Variants in SCN8A observed in about 807,000 individuals in gnomAD.
SCN8A encodes sodium channel protein type 8 subunit alpha.
In SCN8A, 30 loss-of-function variants were observed where a neutral mutation model predicts 184.1. That is an observed-to-expected ratio of 0.16 (90% confidence interval 0.12 to 0.22). The LOEUF (loss-of-function observed/expected upper bound fraction) is 0.22, where lower values mean the gene tolerates loss of function less well. SCN8A is among the 10% of genes least tolerant of loss of function. The probability of loss-of-function intolerance (pLI) is 1.00; values close to 1 mark genes in which losing one functional copy is unlikely to be tolerated. For synonymous variants in SCN8A, 852 were observed against 907.0 expected (o/e 0.94, Z 1.09); for missense variants, 1,057 against 2,498.9 (o/e 0.42, Z 12.30).
intron 2 of SCN8A, among the ~76,000 whole-genome samples, chr12:51,673,088 A>G (rs967841965): frequency 2.6e-5 from 4 of 152,188 alleles, no homozygotes; most frequent in African/African-American, 9.7e-5. Context: ...TGAAGTTAGT[A>G]TAGTCAGCCC....
chr12:51,592,245 C>G (rs1223050744), intron 1 of SCN8A, among the ~76,000 whole-genome samples: 13 of 151,910 alleles, frequency 8.6e-5, no homozygotes. Flanking sequence ...CGCAAAGCCT[C>G]TGCAGTTTCT....
At chr12:51,604,455 G>A (rs1368182078) in intron 1 of SCN8A, among the ~76,000 whole-genome samples, 3 of 151,758 alleles carry the variant, frequency 2.0e-5, no homozygotes. Context: ...AATACCACAC[G>A]GTCTCTTTTT....
At chr12:51,690,370 T>C (rs926673018) in intron 6 of SCN8A, among the ~76,000 whole-genome samples, 1 of 152,170 alleles carries the variant, frequency 6.6e-6, no homozygotes, top group African/African-American at 2.4e-5. Context: ...TTATTTTTAT[T>C]TTCTAGAGAC....
At position 51,749,823 on chromosome 12, in the gene SCN8A, T is replaced by G. The variant is rs920982808; in HGVS notation, c.2132-1532T>G. 2.6e-5 allele frequency among the ~76,000 whole-genome samples: 4 copies of G among 152,152 alleles called. No individual in the cohort carries two copies. In the East Asian group the frequency reaches 7.7e-4, roughly 29 times the overall value. ...GGTTTTGGTGAAATGTTAGGGAATT[T>G]TTTTTTTCCTTAAATGATTTGATAG... On this transcript the variant is annotated intron_variant, in intron 13 of 26. Transcript: ENST00000627620.
chr12:51,613,707 A>T (rs948579236), intron 1 of SCN8A, among the ~76,000 whole-genome samples: 1 of 151,938 alleles, frequency 6.6e-6, no homozygotes, highest in Non-Finnish European at 1.5e-5. Flanking sequence ...CTTCTTTTCT[A>T]ATATAATCTC....
intron 1 of SCN8A, among the ~76,000 whole-genome samples, chr12:51,631,481 G>A (rs1940195101): frequency 1.3e-5 from 2 of 152,192 alleles, no homozygotes; most frequent in Admixed American, 6.5e-5. Context: ...TCCTGTCTGT[G>A]CTCTTGTCTC....
In SCN8A at chr12:51,780,098, C is replaced by T. The variant is rs188325649; in HGVS notation, c.3820-551C>T. The T allele has an allele frequency of 9.9e-5, 31 of 311,802 alleles. No homozygotes were observed. The East Asian group carries it at 3.0e-3, about 31-fold the overall frequency. The allele number at this position is 311,802 out of a possible 1,614,324, so 19.3% of individuals were successfully genotyped here. On this transcript the variant is annotated intron_variant, in intron 20 of 26. Coordinates refer to ENST00000627620, the MANE Select transcript of SCN8A (RefSeq NM_001330260.2). ...CTCAAACAAATGGTTTTTTGTCAACCAGGAGTAAAAGAGCTTGTCCCTCTT... is the reference window on the plus strand; with the variant it reads ...CTCAAACAAATGGTTTTTTGTCAACTAGGAGTAAAAGAGCTTGTCCCTCTT...
rs12315087 is a variant in SCN8A at position 51,789,020 on chromosome 12, A to G, written c.4282-261A>G. On this transcript the variant is annotated intron_variant, in intron 23 of 26. Coordinates refer to ENST00000627620, the MANE Select transcript of SCN8A (RefSeq NM_001330260.2). ...CTATGCTTCAATCCTGCTTCATAGC[A>G]AAAGTATGGCTCCTAGCAGACAGCC... Among the ~76,000 whole-genome samples, 1,176 of 152,242 alleles carry G rather than the reference A, an allele frequency of 7.7e-3. 16 individuals are homozygous for G. Among genetic ancestry groups the G allele is most frequent in the Middle Eastern group, 0.034 (10 of 294 alleles).
intron 15 of SCN8A, among the ~76,000 whole-genome samples, chr12:51,763,846 TGAAA>T (rs1942798172): frequency 6.6e-6 from 1 of 152,228 alleles, no homozygotes; most frequent in Non-Finnish European, 1.5e-5. Flanking sequence ...ACTTGGCAAC[TGAAA>T]AGGTTTAAAG....
At chr12:51,803,572 C>T (rs1439199244) in intron 26 of SCN8A, among the ~76,000 whole-genome samples, 1 of 152,168 alleles carries the variant, frequency 6.6e-6, no homozygotes, top group East Asian at 1.9e-4. Flanking sequence ...GCCTACATTA[C>T]TGTCTGCCCC....
At chr12:51,670,531 G>C (rs984737334) in intron 2 of SCN8A, among the ~76,000 whole-genome samples, 9 of 152,132 alleles carry the variant, frequency 5.9e-5, no homozygotes, top group African/African-American at 2.2e-4. Flanking sequence ...GCAAATCCTG[G>C]AGGGCTTAGA....
At chr12:51,659,497 C>T (rs893539608) in intron 1 of SCN8A, among the ~76,000 whole-genome samples, 6 of 152,112 alleles carry the variant, frequency 3.9e-5, no homozygotes, top group Admixed American at 1.3e-4. Flanking sequence ...CAGTTACCAG[C>T]GCAGGTGTTC....
chr12:51,597,392 AT>A (rs1276966701), intron 1 of SCN8A, among the ~76,000 whole-genome samples: 1 of 152,074 alleles, frequency 6.6e-6, no homozygotes, highest in African/African-American at 2.4e-5. Context: ...TGTGCTATAA[AT>A]TTTTGGGGGT....
At chr12:51,627,002 G>A (rs970451039) in intron 1 of SCN8A, among the ~76,000 whole-genome samples, 2 of 152,100 alleles carry the variant, frequency 1.3e-5, no homozygotes, top group Non-Finnish European at 2.9e-5. Context: ...TCATTTAGTT[G>A]TCTTTTTACT....
At chr12:51,729,050 G>T (rs1273215169) in intron 12 of SCN8A, among the ~76,000 whole-genome samples, 1 of 152,132 alleles carries the variant, frequency 6.6e-6, no homozygotes, top group Non-Finnish European at 1.5e-5. Flanking sequence ...GTATAGCAAG[G>T]TCTAAATAGC....
Position 51,751,291 on chromosome 12 carries a change from G to A in SCN8A, c.2132-64G>A, listed in dbSNP as rs1189018270. 9 of 1,022,230 alleles carry A rather than the reference G, an allele frequency of 8.8e-6. No individual in the cohort carries two copies. The Admixed American group carries it at 9.3e-5, about 11-fold the overall frequency. 63.3% of individuals were successfully genotyped at this position (1,022,230 alleles called of 1,614,324 possible). A position where few individuals can be genotyped will look rare whatever the true frequency, so the allele number is the denominator to read the frequency against. On this transcript the variant is annotated intron_variant, in intron 13 of 26. Coordinates refer to ENST00000627620, the MANE Select transcript of SCN8A (RefSeq NM_001330260.2). ...TAACAGTGATAATGACTGAGAGTGAGTAGTGTGTCCCCCTGGTTTTCTTGC... is the reference window on the plus strand; with the variant it reads ...TAACAGTGATAATGACTGAGAGTGAATAGTGTGTCCCCCTGGTTTTCTTGC...
chr12:51,643,229 A>G (rs1940494068), intron 1 of SCN8A, among the ~76,000 whole-genome samples: 2 of 152,182 alleles, frequency 1.3e-5, no homozygotes, highest in South Asian at 2.1e-4. Context: ...CAAAGATGTC[A>G]TGGTACGGGG....
chr12:51,732,693 C>T (rs1038867333), intron 12 of SCN8A, among the ~76,000 whole-genome samples: 6 of 152,058 alleles, frequency 3.9e-5, no homozygotes, highest in Non-Finnish European at 5.9e-5. Flanking sequence ...GAACAATCCA[C>T]GAACATGGAA....
At chr12:51,710,204 C>G (rs967940643) in intron 11 of SCN8A, among the ~76,000 whole-genome samples, 1 of 152,142 alleles carries the variant, frequency 6.6e-6, no homozygotes, top group African/African-American at 2.4e-5. Context: ...CCCTGGAATT[C>G]ATAGCATTCC....
Sources: gnomAD v4.1 joint callset for allele counts (sites outside exome capture counted in the v4.1 genomes callset) on GRCh38, gnomAD v4.1.1 for gene constraint, MANE v1.5 for transcripts, NCBI Gene and HGNC (gene_info 2026-07-23, HGNC 2026-07-21) for gene names.